The following ACSM4 variants were observed in gnomAD, a reference collection of about 807,000 sequenced individuals.
The protein encoded by ACSM4 is acyl-coenzyme A synthetase ACSM4, mitochondrial.
In ACSM4, 66 loss-of-function variants were observed where a neutral mutation model predicts 73.0. That is an observed-to-expected ratio of 0.90 (90% CI 0.74 to 1.11). The LOEUF (loss-of-function observed/expected upper bound fraction) is 1.11. ACSM4 is among the 50% of genes least tolerant of loss of function. The pLI, the probability that ACSM4 is intolerant of heterozygous loss-of-function variation, is 0.00. For missense variants in ACSM4, 645 were observed against 714.4 expected (o/e 0.90, Z 1.11); for synonymous variants, 222 against 254.0 (o/e 0.87, Z 1.20).
At chr12:7,307,170 C>T (rs1330534293) in intron 2 of ACSM4, among the ~76,000 whole-genome samples, 3 of 152,148 alleles carry the variant, frequency 2.0e-5, no homozygotes, top group Non-Finnish European at 4.4e-5. Flanking sequence ...AGGAGAATCG[C>T]GTGAACCCGG....
chr12:7,319,164 A>C (rs774019631), intron 5 of ACSM4, among the ~76,000 whole-genome samples: 6 of 152,326 alleles, frequency 3.9e-5, no homozygotes, highest in African/African-American at 1.4e-4. Flanking sequence ...ACAGATCATC[A>C]GGCATTAGAT....
chr12:7,311,952 A>C (rs1037906634), intron 3 of ACSM4, among the ~76,000 whole-genome samples: 2 of 152,106 alleles, frequency 1.3e-5, no homozygotes, highest in Non-Finnish European at 2.9e-5. Flanking sequence ...CAGCCTCCCA[A>C]AGTGCTGGGA....
intron 1 of ACSM4, among the ~76,000 whole-genome samples, chr12:7,305,299 T>A (rs1442456991): frequency 6.6e-6 from 1 of 152,234 alleles, no homozygotes; most frequent in Non-Finnish European, 1.5e-5. Context: ...AATAACCTAT[T>A]TTTTGGCAAG....
chr12:7,322,385 C>T lies in ACSM4; in HGVS notation c.1002-33C>T, dbSNP rs765728349. 3 of 1,612,554 alleles carry T rather than the reference C, an allele frequency of 1.9e-6. No individual in the cohort carries two copies. In the South Asian group the frequency reaches 3.3e-5, roughly 18 times the overall value. ...TTGCAGTGAAAGCACTCAGGTTCCT[C>T]TTGAAAAGACCCATGCAACTCTGTC... On this transcript the variant is annotated intron_variant, in intron 6 of 12. Coordinates refer to ENST00000399422, the MANE Select transcript of ACSM4 (RefSeq NM_001080454.2).
Position 7,324,591 on chromosome 12 carries a change from G to T in ACSM4, c.1529G>T (p.Arg510Leu), listed in dbSNP as rs762385941. ...SAVVSSPDQI[R>L]GEVVKAFVVL... ...GTTGTCAGTAGTCCAGATCAAATCC[G>T]CGGAGAGGTAGATGAATGTCATTTA... Residue 510 changes from arginine (R) to leucine (L), a missense_variant, in exon 11 of 13, where the codon CGC becomes CTC. Transcript: ENST00000399422. 6.2e-7 allele frequency: 1 copy of T among 1,613,832 alleles called. No homozygotes were observed. The highest frequency in any genetic ancestry group is 1.7e-5 in the Admixed American group (1 of 60,010).
chr12:7,321,072 G>T (rs115627283), intron 6 of ACSM4, among the ~76,000 whole-genome samples: 11 of 152,064 alleles, frequency 7.2e-5, no homozygotes, highest in Non-Finnish European at 1.3e-4. Context: ...AATGTCTTCT[G>T]GGGGGCAAAA....
chr12:7,317,964 C>A lies in ACSM4; in HGVS notation c.765-62C>A, dbSNP rs145350976. On this transcript the variant is annotated intron_variant, in intron 4 of 12. Transcript: ENST00000399422. Reference sequence around the variant, plus strand: ...GGGGCAAAGTCACCCCTGAAAGATACCAGTTTGTAATTTTTGTTTGTTTAT... The same window carrying A: ...GGGGCAAAGTCACCCCTGAAAGATAACAGTTTGTAATTTTTGTTTGTTTAT... 3.5e-3 allele frequency: 5,484 copies of A among 1,559,316 alleles called. 19 individuals carry two copies. The highest frequency in any genetic ancestry group is 7.5e-3 in the Middle Eastern group (35 of 4,696).
intron 12 of ACSM4, among the ~76,000 whole-genome samples, chr12:7,327,574 C>A (rs1419028315): frequency 6.6e-6 from 1 of 152,156 alleles, no homozygotes; most frequent in Non-Finnish European, 1.5e-5. Flanking sequence ...GATTTAAGAA[C>A]AATACTACGT....
intron 1 of ACSM4, among the ~76,000 whole-genome samples, chr12:7,305,665 T>C (rs913824662): frequency 3.9e-5 from 6 of 152,174 alleles, no homozygotes; most frequent in Non-Finnish European, 1.5e-5. Flanking sequence ...ACATCTGTCA[T>C]ATAATAAATT....
chr12:7,320,706 GTCTT>G lies in ACSM4; in HGVS notation c.922-15_922-12del, dbSNP rs764019380. 321 of 1,600,942 alleles carry G rather than the reference GTCTT, an allele frequency of 2.0e-4. 1 individual carries two copies. In the African/African-American group the frequency reaches 3.4e-3, roughly 17 times the overall value. ...TTGAATGACCACTTCTGACATCTGT[GTCTT>G]TCTCCATCATCCAGACACTTACTAC... On this transcript the variant is annotated splice_polypyrimidine_tract_variant and intron_variant, in intron 5 of 12. Coordinates refer to ENST00000399422, the MANE Select transcript of ACSM4 (RefSeq NM_001080454.2).
chr12:7,315,652 C>T (rs1946416585), intron 3 of ACSM4, among the ~76,000 whole-genome samples: 1 of 151,978 alleles, frequency 6.6e-6, no homozygotes, highest in Admixed American at 6.6e-5. Flanking sequence ...TATGATACAC[C>T]AGTCTCAAAA....
chr12:7,315,145 G>A (rs1237933779), intron 3 of ACSM4, among the ~76,000 whole-genome samples: 6 of 148,642 alleles, frequency 4.0e-5, no homozygotes, highest in African/African-American at 1.0e-4. Context: ...GCAGTGAGCC[G>A]AGATTATGCC....
chr12:7,307,146 C>T (rs1028742593), intron 2 of ACSM4, among the ~76,000 whole-genome samples: 13 of 152,040 alleles, frequency 8.6e-5, no homozygotes, highest in African/African-American at 2.9e-4. Flanking sequence ...CCCAGCTACT[C>T]GGGAGGCTGA....
At chr12:7,324,163 A>T (rs1946485706) in intron 9 of ACSM4, 110 bp from the exon 10 acceptor site, 3 of 1,383,836 alleles carry the variant, frequency 2.2e-6, no homozygotes, top group Non-Finnish European at 2.9e-6. Context: ...CTCAAAAAAA[A>T]AAAAATTTCC....
At position 7,310,691 on chromosome 12, in the gene ACSM4, C is replaced by A; in HGVS notation, c.565C>A (p.Leu189Ile). 6.2e-7 allele frequency: 1 copy of A among 1,613,576 alleles called. No individual in the cohort carries two copies. The highest frequency in any genetic ancestry group is 8.5e-7 in the Non-Finnish European group (1 of 1,179,760). ...GGAGTGTCCTGACCTTAAGACAAAACTCCTGGTGTCTCCACAAAGCTGGAA... is the reference window on the plus strand; with the variant it reads ...GGAGTGTCCTGACCTTAAGACAAAAATCCTGGTGTCTCCACAAAGCTGGAA... Reference protein sequence around the residue: ...VLECPDLKTKLLVSPQSWNGW... With the variant: ...VLECPDLKTKILVSPQSWNGW... Residue 189 changes from leucine to isoleucine, a missense_variant, in exon 3 of 13, where the codon CTC becomes ATC. Physicochemically the swap from Leu to Ile is conservative, Grantham distance 5. Coordinates refer to ENST00000399422, the MANE Select transcript of ACSM4 (RefSeq NM_001080454.2).
intron 5 of ACSM4, chr12:7,318,624 C>G (rs1946438703): frequency 6.5e-6 from 1 of 153,400 alleles, no homozygotes; most frequent in African/African-American, 2.4e-5. Context: ...CCAGCCTATA[C>G]TTCTCACTTT....
At chr12:7,321,224 T>C (rs1333937530) in intron 6 of ACSM4, among the ~76,000 whole-genome samples, 1 of 152,146 alleles carries the variant, frequency 6.6e-6, no homozygotes, top group Non-Finnish European at 1.5e-5. Flanking sequence ...AACACTGTCA[T>C]TTAGAACTCA....
rs372795810 is a variant in ACSM4, at chr12:7,310,593, G to A, written c.467G>A (p.Arg156Gln). 98 of 1,612,344 alleles carry A rather than the reference G, an allele frequency of 6.1e-5. No homozygotes were observed. The highest frequency in any genetic ancestry group is 3.7e-4 in the South Asian group (34 of 90,724). The change falls in exon 3 of 13, where the codon CGG (arginine) becomes CAG (glutamine). Residue 156 changes from arginine to glutamine, a missense_variant. Transcript: ENST00000399422. Reference sequence around the variant, plus strand: ...CTGACAGCAAAAGACATCCTCTACCGGCTGCGAGCATCCAAGGCCAAGTGC... The same window carrying A: ...CTGACAGCAAAAGACATCCTCTACCAGCTGCGAGCATCCAAGGCCAAGTGC... Reference protein sequence around the residue: ...IQLTAKDILYRLRASKAKCIV... With the variant: ...IQLTAKDILYQLRASKAKCIV...
At chr12:7,316,721 C>G (rs745675477) in intron 3 of ACSM4, among the ~76,000 whole-genome samples, 1 of 152,146 alleles carries the variant, frequency 6.6e-6, no homozygotes, top group East Asian at 1.9e-4. Flanking sequence ...AAATGCCAAA[C>G]GATCTTCCTT....
Sources: allele counts gnomAD v4.1 joint callset (sites outside exome capture counted in the v4.1 genomes callset), GRCh38; gene constraint gnomAD v4.1.1; transcripts MANE v1.5; gene names NCBI Gene and HGNC (gene_info 2026-07-23, HGNC 2026-07-21).